SMC6: variants seen among roughly 807,000 people sequenced by gnomAD.
The protein encoded by SMC6 is structural maintenance of chromosomes protein 6.
Under a neutral mutation model 142.2 loss-of-function variants are expected in SMC6, and 79 were observed. The ratio of observed to expected loss-of-function variants is 0.56; its 90% CI spans 0.46 to 0.67. The LOEUF (loss-of-function observed/expected upper bound fraction) is 0.67, where lower values mean the gene tolerates loss of function less well. Ranked by LOEUF, SMC6 falls within the 30% of genes least tolerant of loss-of-function variation. The pLI, the probability that SMC6 is intolerant of heterozygous loss-of-function variation, is 0.00. For synonymous variants in SMC6, 411 were observed against 412.4 expected (o/e 1.00, Z 0.04); for missense variants, 1,072 against 1,284.0 (o/e 0.83, Z 2.52).
At chr2:17,721,559 T>C (rs1669375917) in intron 9 of SMC6, among the ~76,000 whole-genome samples, 1 of 152,190 alleles carries the variant, frequency 6.6e-6, no homozygotes, top group South Asian at 2.1e-4. Context: ...TTTCCCATTT[T>C]CCCTCTTTAT....
intron 19 of SMC6, among the ~76,000 whole-genome samples, chr2:17,702,236 T>G (rs905224962): frequency 1.2e-4 from 18 of 152,210 alleles, no homozygotes; most frequent in Non-Finnish European, 2.6e-4. Flanking sequence ...TCTAATCCAG[T>G]GGTTTTCAAA....
At chr2:17,698,514 C>A (rs1236119776) in intron 21 of SMC6, among the ~76,000 whole-genome samples, 1 of 151,916 alleles carries the variant, frequency 6.6e-6, no homozygotes, top group Admixed American at 6.6e-5. Flanking sequence ...TTGAAGTCCA[C>A]TTCATCTGAT....
intron 17 of SMC6, among the ~76,000 whole-genome samples, chr2:17,707,997 T>TACACAC (rs10540609): frequency 2.7e-5 from 4 of 148,504 alleles, no homozygotes; most frequent in Non-Finnish European, 4.5e-5. Context: ...TGTATATATA[T>TACACAC]ACACACACAC....
At chr2:17,722,315 C>T (rs1347743401) in intron 9 of SMC6, among the ~76,000 whole-genome samples, 5 of 152,148 alleles carry the variant, frequency 3.3e-5, no homozygotes, top group African/African-American at 9.7e-5. Flanking sequence ...ATACCATCCT[C>T]TACCTATATC....
At chr2:17,710,698 T>C (rs527251740) in intron 16 of SMC6, among the ~76,000 whole-genome samples, 1 of 152,038 alleles carries the variant, frequency 6.6e-6, no homozygotes, top group Non-Finnish European at 1.5e-5. Flanking sequence ...GTAAGTAAAA[T>C]TAGTGAAGAG....
rs766867799 is a variant in SMC6, at chr2:17,718,145, G to A, written c.1024C>T (p.Arg342Ter). ...TTCAATGCCATACATTCTGGTGCTCGTGCATTTGTCTCTTCACTAATCTTT... is the reference window on the plus strand; with the variant it reads ...TTCAATGCCATACATTCTGGTGCTCATGCATTTGTCTCTTCACTAATCTTT... ...LEKISEETNARAPECMALKAD... is the reference protein window; with the variant it reads ...LEKISEETNA Residue 342 changes from arginine to a stop codon, truncating the protein, a stop_gained, in exon 12 of 28, where the codon CGA becomes TGA. Coordinates refer to ENST00000448223, the MANE Select transcript of SMC6 (RefSeq NM_001142286.2). LOFTEE classifies it high-confidence loss of function. The A allele has an allele frequency of 9.3e-6, 15 of 1,611,220 alleles. No homozygotes were observed. The highest frequency in any genetic ancestry group is 5.5e-5 in the South Asian group (5 of 90,794).
chr2:17,713,444 C>T (rs990953723), intron 16 of SMC6: 3 of 469,864 alleles, frequency 6.4e-6, no homozygotes, highest in Admixed American at 4.7e-5. Context: ...ACATGTGTTT[C>T]GTGGCTAAGT....
chr2:17,690,628 A>C (rs1235196741), intron 23 of SMC6, among the ~76,000 whole-genome samples: 1 of 151,984 alleles, frequency 6.6e-6, no homozygotes, highest in East Asian at 1.9e-4. Flanking sequence ...AAACAAAAAA[A>C]AACTCCCTGT....
chr2:17,748,231 G>C (rs933630250), intron 2 of SMC6, among the ~76,000 whole-genome samples: 1 of 152,170 alleles, frequency 6.6e-6, no homozygotes, highest in East Asian at 1.9e-4. Context: ...CAGATATCCA[G>C]AATCTCAGGC....
intron 25 of SMC6, among the ~76,000 whole-genome samples, 185 bp downstream of exon 25, chr2:17,678,674 G>A (rs1200017556): frequency 6.6e-6 from 1 of 151,788 alleles, no homozygotes; most frequent in African/African-American, 2.4e-5. Context: ...TACTTGGGAG[G>A]CTGAGGCAGG....
At chr2:17,669,655 G>T (rs1666663638) in intron 26 of SMC6, among the ~76,000 whole-genome samples, 1 of 152,106 alleles carries the variant, frequency 6.6e-6, no homozygotes, top group African/African-American at 2.4e-5. Flanking sequence ...AAAAAATAAG[G>T]TAAGATTAAA....
intron 8 of SMC6, 36 bp from the exon 9 acceptor site, chr2:17,725,394 T>C: frequency 7.1e-7 from 1 of 1,418,314 alleles, no homozygotes; most frequent in East Asian, 2.3e-5. Flanking sequence ...CAATTAGGAG[T>C]TTGTAAACTT....
intron 14 of SMC6, 124 bp from the exon 15 acceptor site, chr2:17,716,388 G>T (rs770548651): frequency 4.6e-5 from 40 of 862,860 alleles, no homozygotes; most frequent in Non-Finnish European, 6.7e-5. Context: ...ACCAAAAGCA[G>T]AATTATTTAT....
chr2:17,679,750 T>C (rs1255944343), intron 24 of SMC6: 2 of 152,516 alleles, frequency 1.3e-5, no homozygotes, highest in Non-Finnish European at 2.9e-5. Context: ...CTCTCTGCCA[T>C]AGTATGAGGC....
At chr2:17,725,222 G>A (rs779109738) in intron 9 of SMC6, 35 bp downstream of exon 9, 1 of 1,465,316 alleles carries the variant, frequency 6.8e-7, no homozygotes, top group African/African-American at 1.4e-5. Context: ...GAATTTGGCT[G>A]ATCTCAAAAA....
intron 2 of SMC6, among the ~76,000 whole-genome samples, chr2:17,752,014 A>G (rs1558387859): frequency 6.6e-6 from 1 of 152,222 alleles, no homozygotes; most frequent in Non-Finnish European, 1.5e-5. Flanking sequence ...TGACTTGTGT[A>G]CTTTTTGCCA....
At chr2:17,737,124 T>C (rs554366522) in intron 5 of SMC6, among the ~76,000 whole-genome samples, 9 of 152,264 alleles carry the variant, frequency 5.9e-5, no homozygotes, top group African/African-American at 2.2e-4. Context: ...CCATAGGGCA[T>C]GGGAAATAAT....
chr2:17,750,258 T>A (rs563313685), intron 2 of SMC6, among the ~76,000 whole-genome samples: 4 of 152,182 alleles, frequency 2.6e-5, no homozygotes, highest in Non-Finnish European at 5.9e-5. Context: ...AAAGCAGTGG[T>A]AATATCAGGG....
intron 11 of SMC6, among the ~76,000 whole-genome samples, chr2:17,720,696 A>C (rs1669323666): frequency 6.6e-6 from 1 of 152,210 alleles, no homozygotes; most frequent in South Asian, 2.1e-4. Flanking sequence ...TTCCACTGAC[A>C]ATATGCATGA....
Sources: allele counts gnomAD v4.1 joint callset (sites outside exome capture counted in the v4.1 genomes callset), GRCh38; gene constraint gnomAD v4.1.1; transcripts MANE v1.5; gene names NCBI Gene and HGNC (gene_info 2026-07-23, HGNC 2026-07-21).